Variants in ENTPD5 observed in about 807,000 individuals in gnomAD.
ENTPD5 encodes ectonucleoside triphosphate diphosphohydrolase 5 (inactive), also known as nucleoside diphosphate phosphatase ENTPD5.
In ENTPD5, 49 loss-of-function variants were observed where a neutral mutation model predicts 60.2. The ratio of observed to expected loss-of-function variants is 0.81; its 90% confidence interval spans 0.65 to 1.03. The LOEUF (loss-of-function observed/expected upper bound fraction) is 1.03, where lower values mean the gene tolerates loss of function less well. Ranked by LOEUF, ENTPD5 falls within the 50% of genes least tolerant of loss-of-function variation. The pLI, the probability that ENTPD5 is intolerant of heterozygous loss-of-function variation, is 0.00. For missense variants in ENTPD5, 480 were observed against 507.6 expected, an observed-to-expected ratio of 0.95 and a Z score of 0.52; for synonymous variants, 187 against 185.4, an observed-to-expected ratio of 1.01 and a Z score of -0.07.
chr14:73,971,993 ATG>A, intron 13 of ENTPD5, 85 bp from the exon 14 acceptor site: 1 of 809,236 alleles, frequency 1.2e-6, no homozygotes, highest in Non-Finnish European at 2.2e-6. Flanking sequence ...TTATATACAC[ATG>A]TACATAATGT....
At chr14:73,992,777 C>T (rs1002946667) in intron 3 of ENTPD5, among the ~76,000 whole-genome samples, 6 of 150,388 alleles carry the variant, frequency 4.0e-5, no homozygotes, top group Non-Finnish European at 8.9e-5. Flanking sequence ...CCGAGGCGGG[C>T]GGATCACTTG....
intron 4 of ENTPD5, 137 bp from the exon 5 acceptor site, chr14:73,987,030 T>C (rs576274251): frequency 4.0e-6 from 3 of 744,302 alleles, no homozygotes; most frequent in African/African-American, 1.7e-5. Context: ...TTGTGAGGAA[T>C]GTCTTGCAGG....
At chr14:73,981,274 G>A (rs1316213183) in intron 6 of ENTPD5, among the ~76,000 whole-genome samples, 1 of 151,622 alleles carries the variant, frequency 6.6e-6, no homozygotes. Flanking sequence ...GCCGGGGTGG[G>A]TGGAGTTTGA....
intron 3 of ENTPD5, chr14:74,003,569 A>G: frequency 1.6e-6 from 1 of 642,120 alleles, no homozygotes; most frequent in Non-Finnish European, 2.8e-6. Flanking sequence ...ACTGCATGCT[A>G]TTGTGTAGAG....
intron 3 of ENTPD5, among the ~76,000 whole-genome samples, chr14:74,003,066 A>C (rs778138597): frequency 6.6e-6 from 1 of 152,122 alleles, no homozygotes; most frequent in Non-Finnish European, 1.5e-5. Flanking sequence ...TTTAAAAATC[A>C]CTTTCTTATT....
chr14:73,970,604 C>G (rs896115904), intron 14 of ENTPD5, among the ~76,000 whole-genome samples: 1 of 152,164 alleles, frequency 6.6e-6, no homozygotes, highest in Non-Finnish European at 1.5e-5. Context: ...AAGACCGCAG[C>G]TTCTGAAGAA....
At chr14:73,959,609 C>A, downstream of ENTPD5, 1 of 1,600,094 alleles carries the variant, frequency 6.2e-7, no homozygotes, top group South Asian at 1.1e-5. Context: ...CGGATCCTTG[C>A]CAGGCTGGAG....
chr14:74,010,273 G>A (rs959130016), intron 3 of ENTPD5, among the ~76,000 whole-genome samples: 3 of 152,062 alleles, frequency 2.0e-5, no homozygotes, highest in African/African-American at 7.2e-5. Flanking sequence ...AAGTGTTTTC[G>A]GCCAGGCGCA....
chr14:74,000,945 A>G (rs2058488388), intron 3 of ENTPD5, among the ~76,000 whole-genome samples: 1 of 152,186 alleles, frequency 6.6e-6, no homozygotes, highest in African/African-American at 2.4e-5. Flanking sequence ...CAAGAGCCAT[A>G]TGGAGTGGCA....
intron 13 of ENTPD5, 71 bp from the exon 14 acceptor site, chr14:73,971,979 T>C: frequency 1.1e-6 from 1 of 907,032 alleles, no homozygotes; most frequent in South Asian, 1.3e-5. Flanking sequence ...CATTCATTCA[T>C]TCATTATATA....
At chr14:74,011,594 T>G (rs2058847049) in intron 2 of ENTPD5, among the ~76,000 whole-genome samples, 3 of 152,094 alleles carry the variant, frequency 2.0e-5, no homozygotes, top group Admixed American at 2.0e-4. Context: ...CTCAGGAGTT[T>G]GTGACCAACC....
chr14:73,998,930 C>G (rs546927850), intron 3 of ENTPD5, among the ~76,000 whole-genome samples: 1 of 152,246 alleles, frequency 6.6e-6, no homozygotes, highest in African/African-American at 2.4e-5. Flanking sequence ...GGACTTTACT[C>G]TGCAGGTGAT....
At chr14:73,996,089 G>A (rs1180346594) in intron 3 of ENTPD5, 1 of 951,346 alleles carries the variant, frequency 1.1e-6, no homozygotes, top group East Asian at 1.2e-4. Flanking sequence ...GAGGACCTGG[G>A]CCCCATTCAT....
intron 6 of ENTPD5, among the ~76,000 whole-genome samples, chr14:73,980,433 T>C (rs1835254696): frequency 6.6e-6 from 1 of 151,212 alleles, no homozygotes; most frequent in South Asian, 2.1e-4. Context: ...CCAGCTAATT[T>C]TTGTATTTTC....
At chr14:73,982,949 C>A in intron 6 of ENTPD5, 69 bp downstream of exon 6, 1 of 1,530,406 alleles carries the variant, frequency 6.5e-7, no homozygotes, top group Non-Finnish European at 8.9e-7. Flanking sequence ...TTCCAAAAGG[C>A]TAAAAACTCA....
chr14:74,007,684 G>A (rs1472586865), intron 3 of ENTPD5: 1 of 151,890 alleles, frequency 6.6e-6, no homozygotes, highest in African/African-American at 2.4e-5. Flanking sequence ...AGCTGAGCAT[G>A]GTGACACATA....
intron 5 of ENTPD5, among the ~76,000 whole-genome samples, chr14:73,984,288 G>C (rs1359131462): frequency 1.3e-5 from 2 of 152,200 alleles, no homozygotes; most frequent in Non-Finnish European, 2.9e-5. Context: ...TAGCCCTGTG[G>C]CCTAACTTAG....
chr14:73,977,471 C>T, intron 6 of ENTPD5, 97 bp from the exon 7 acceptor site: 1 of 892,228 alleles, frequency 1.1e-6, no homozygotes, highest in Non-Finnish European at 1.7e-6. Context: ...GAAAACTACT[C>T]CATTTTTCCT....
chr14:73,959,455 A>G (rs2056603455), downstream of ENTPD5: 4 of 1,614,246 alleles, frequency 2.5e-6, no homozygotes, highest in African/African-American at 1.3e-5. Context: ...TCCACGTCCC[A>G]TGAACATGCA....
Sources: gnomAD v4.1 joint callset for allele counts (sites outside exome capture counted in the v4.1 genomes callset) on GRCh38, gnomAD v4.1.1 for gene constraint, MANE v1.5 for transcripts, NCBI Gene and HGNC (gene_info 2026-07-23, HGNC 2026-07-21) for gene names.